Variants in SLC27A5 observed in about 807,000 individuals in gnomAD.
SLC27A5 encodes the protein solute carrier family 27 member 5, also known as long-chain fatty acid transport protein 5.
In SLC27A5, 47 loss-of-function variants were observed where a neutral mutation model predicts 63.1. The ratio of observed to expected loss-of-function variants is 0.74; its 90% confidence interval spans 0.59 to 0.95. The LOEUF (loss-of-function observed/expected upper bound fraction) is 0.95, where lower values mean the gene tolerates loss of function less well. Among genes scored for constraint, SLC27A5 ranks in the 40% least tolerant of loss-of-function variants. SLC27A5 has a pLI of 0.00. For synonymous variants in SLC27A5, 391 were observed against 403.8 expected, an observed-to-expected ratio of 0.97 and a Z score of 0.38; for missense variants, 940 against 921.0, an observed-to-expected ratio of 1.02 and a Z score of -0.27.
chr19:58,511,951 C>T lies in SLC27A5; in HGVS notation c.5G>A (p.Gly2Asp). ...CAGCAAGGCCAACTGTTGCCTGACACCCATGGTACCAGCTCCTCCCTAGGA... is the reference window on the plus strand; with the variant it reads ...CAGCAAGGCCAACTGTTGCCTGACATCCATGGTACCAGCTCCTCCCTAGGA... Reference protein sequence around the residue: MGVRQQLALLLL... With the variant: MDVRQQLALLLL... Residue 2 changes from glycine (G) to aspartate (D), a missense_variant, in exon 1 of 10, where the codon GGT (glycine) becomes GAT (aspartate). By Grantham distance (94) the Gly-to-Asp change is moderately conservative. Transcript: ENST00000263093. The T allele has an allele frequency of 6.5e-7, 1 of 1,535,740 alleles. No individual in the cohort carries two copies. Among genetic ancestry groups the T allele is most frequent in the Non-Finnish European group, 8.8e-7 (1 of 1,142,836 alleles).
At chr19:58,503,020 C>A (rs1256016335) in intron 3 of SLC27A5, among the ~76,000 whole-genome samples, 3 of 151,972 alleles carry the variant, frequency 2.0e-5, no homozygotes, top group Non-Finnish European at 2.9e-5. Flanking sequence ...TCCTGGCTAA[C>A]ACGGTGAAAC....
chr19:58,511,528 A>G lies in SLC27A5; in HGVS notation c.428T>C (p.Val143Ala). 3 of 1,567,038 alleles carry G rather than the reference A, an allele frequency of 1.9e-6. No individual in the cohort carries two copies. Among genetic ancestry groups the G allele is most frequent in the Non-Finnish European group, 2.6e-6 (3 of 1,155,066 alleles). ...CCGGGCATCCAGCTCACCAAAGGTG[A>G]CTGAGCCGGCCCCAGGCCCCGTCCA... ...LVWTGPGAGS[V>A]TFGELDARAC... is the part of the protein sequence containing the mutation. Residue 143 changes from valine to alanine, a missense_variant, in exon 1 of 10, where the codon GTC (valine) becomes GCC (alanine). Coordinates refer to ENST00000263093, the MANE Select transcript of SLC27A5 (RefSeq NM_012254.3).
intron 3 of SLC27A5, among the ~76,000 whole-genome samples, chr19:58,505,865 AC>A (rs1375307566): frequency 2.0e-4 from 29 of 145,114 alleles, no homozygotes; most frequent in South Asian, 1.3e-3. Flanking sequence ...AAAAAAAAAA[AC>A]ATTTGGCCGG....
chr19:58,499,466 C>G, intron 7 of SLC27A5, 26 bp downstream of exon 7: 1 of 1,610,906 alleles, frequency 6.2e-7, no homozygotes, highest in South Asian at 1.1e-5. Flanking sequence ...CGCGCCAGCC[C>G]CGCCCCGAGA....
At chr19:58,502,668 CAGTT>C (rs1388302549) in intron 3 of SLC27A5, among the ~76,000 whole-genome samples, 6 of 137,602 alleles carry the variant, frequency 4.4e-5, no homozygotes, top group East Asian at 2.2e-4. Flanking sequence ...GATGGGTGAA[CAGTT>C]AGAGTAGTGA....
In SLC27A5 at chr19:58,510,775, C is replaced by A. The variant is rs2053400782; in HGVS notation, c.844G>T (p.Ala282Ser). Residue 282 changes from alanine to serine, a missense_variant, in exon 2 of 10, where the codon GCT (alanine) becomes TCT (serine). Ala to Ser is a moderately conservative substitution (Grantham distance 99, BLOSUM62 1). Transcript: ENST00000263093. Reference sequence around the variant, plus strand: ...GCAGGGCTTCTCCATGTGATCCCAGCACGCAGGTCAGCAGGCACTGGGTGG... The same window carrying A: ...GCAGGGCTTCTCCATGTGATCCCAGAACGCAGGTCAGCAGGCACTGGGTGG... ...PSHPVPADLR[A>S]GITWRSPALF... The A allele has an allele frequency of 1.2e-6, 2 of 1,613,410 alleles. No individual in the cohort carries two copies. The highest frequency in any genetic ancestry group is 2.2e-5 in the East Asian group (1 of 44,896).
chr19:58,510,239 T>G lies in SLC27A5; in HGVS notation c.899-234A>C, dbSNP rs564033030. 2.9e-4 allele frequency: 142 copies of G among 485,732 alleles called. No homozygotes were observed. In the South Asian group the frequency reaches 4.5e-3, roughly 15 times the overall value. The allele number at this position is 485,732 out of a possible 1,614,324, so 30.1% of individuals were successfully genotyped here. A position where few individuals can be genotyped will look rare whatever the true frequency, so the allele number is the denominator to read the frequency against. On this transcript the variant is annotated intron_variant, in intron 2 of 9. Transcript: ENST00000263093. ...CTGGACACAGGAAGAATTCTGGCAT[T>G]GACCTCTCAAATTACATTGGGGGTC...
intron 2 of SLC27A5, 31 bp from the exon 3 acceptor site, chr19:58,510,036 G>T: frequency 1.2e-6 from 2 of 1,604,810 alleles, no homozygotes; most frequent in East Asian, 4.5e-5. Context: ...AGGGCAGGGT[G>T]GTGACATGAC....
chr19:58,511,720 C>T lies in SLC27A5; in HGVS notation c.236G>A (p.Arg79Gln), dbSNP rs750905452. The change falls in exon 1 of 10, where the codon CGG becomes CAG. Residue 79 changes from arginine to glutamine, a missense_variant. Arg to Gln is a conservative substitution (Grantham distance 43). Coordinates refer to ENST00000263093, the MANE Select transcript of SLC27A5 (RefSeq NM_012254.3). ...CAGCCAGCGTAGTCCTGGGGGCAGC[C>T]GTGCTGGCAGGAGGGTTAGTGCCAG... ...AALALTLLPA[R>Q]LPPGLRWLPA... The T allele has an allele frequency of 1.1e-5, 17 of 1,557,260 alleles. No homozygotes were observed. The highest frequency in any genetic ancestry group is 4.1e-5 in the African/African-American group (3 of 73,494).
Position 58,511,934 on chromosome 19 carries a change from C to T in SLC27A5, c.22G>A (p.Ala8Thr), listed in dbSNP as rs1397008304. The part of the protein sequence containing the change: MGVRQQL[A>T]LLLLLLLLLW... ...AGGAGCAGCAGCAGCAGCAGCAAGG[C>T]CAACTGTTGCCTGACACCCATGGTA... Residue 8 changes from alanine (A) to threonine (T), a missense_variant, in exon 1 of 10, where the codon GCC becomes ACC. Transcript: ENST00000263093. The T allele has an allele frequency of 1.3e-6, 2 of 1,541,112 alleles. No individual in the cohort carries two copies. The highest frequency in any genetic ancestry group is 2.4e-5 in the South Asian group (2 of 83,946).
At chr19:58,501,531 C>CT in intron 3 of SLC27A5, 121 bp from the exon 4 acceptor site, 1 of 1,118,400 alleles carries the variant, frequency 8.9e-7, no homozygotes, top group Non-Finnish European at 1.3e-6. Context: ...CTGAGTTCAT[C>CT]TTTGTGTCCT....
rs772494992 is a variant in SLC27A5, at chr19:58,500,601, C to T, written c.1288G>A (p.Glu430Lys). The change falls in exon 5 of 10, where the codon GAA (glutamate) becomes AAA (lysine). Residue 430 changes from glutamate to lysine, a missense_variant. Glu to Lys is a moderately conservative substitution (Grantham distance 56). Transcript: ENST00000263093. ...QQRFGPIRIWEVYGSTEGNMG... is the reference protein window; with the variant it reads ...QQRFGPIRIWKVYGSTEGNMG... Reference sequence around the variant, plus strand: ...TTGCCTTCTGTGGAGCCGTAGACTTCCCAGATCCGAATAGGACCGAAGCGC... The same window carrying T: ...TTGCCTTCTGTGGAGCCGTAGACTTTCCAGATCCGAATAGGACCGAAGCGC... 1.2e-6 allele frequency: 2 copies of T among 1,614,130 alleles called. No homozygotes were observed. The highest frequency in any genetic ancestry group is 8.5e-7 in the Non-Finnish European group (1 of 1,180,030).
At chr19:58,504,054 G>A (rs2053314068) in intron 3 of SLC27A5, among the ~76,000 whole-genome samples, 1 of 152,190 alleles carries the variant, frequency 6.6e-6, no homozygotes, top group Admixed American at 6.5e-5. Flanking sequence ...GGCAGAGGTT[G>A]TAGTGAGCCA....
chr19:58,502,725 A>G (rs1024512976), intron 3 of SLC27A5, among the ~76,000 whole-genome samples: 5 of 148,324 alleles, frequency 3.4e-5, no homozygotes, highest in African/African-American at 7.6e-5. Context: ...GTGAGTGAGT[A>G]GATGGATGGG....
In SLC27A5 at chr19:58,504,244, A is replaced by G. The variant is rs1043245596; in HGVS notation, c.1058-2834T>C. On this transcript the variant is annotated intron_variant, in intron 3 of 9. Coordinates refer to ENST00000263093, the MANE Select transcript of SLC27A5 (RefSeq NM_012254.3). ...TGATATTAATGTTGTTACGTGTAAT[A>G]ATCACTTTGGTTACAGTTTCTTCAG... 2.8e-4 allele frequency among the ~76,000 whole-genome samples: 42 copies of G among 152,238 alleles called. 1 individual carries two copies. The highest frequency in any genetic ancestry group is 1.5e-5 in the Non-Finnish European group (1 of 68,048).
At chr19:58,502,436 GTAGT>G in intron 3 of SLC27A5, among the ~76,000 whole-genome samples, 1 of 147,840 alleles carries the variant, frequency 6.8e-6, no homozygotes, top group Non-Finnish European at 1.5e-5. Context: ...GACAGTTAGA[GTAGT>G]GAGTGAGAAG....
chr19:58,504,614 C>T, intron 3 of SLC27A5, among the ~76,000 whole-genome samples: 4 of 141,926 alleles, frequency 2.8e-5, no homozygotes, highest in Admixed American at 7.5e-5. Flanking sequence ...CTTGCGGTGA[C>T]CCAAGATGGT....
chr19:58,505,902 C>T lies in SLC27A5; in HGVS notation c.1057+3945G>A, dbSNP rs370793920. Among the ~76,000 whole-genome samples, 726 of 151,654 alleles carry T rather than the reference C, an allele frequency of 4.8e-3. 5 individuals carry two copies. The highest frequency in any genetic ancestry group is 6.9e-3 in the Non-Finnish European group (467 of 67,934). On this transcript the variant is annotated intron_variant, in intron 3 of 9. Coordinates refer to ENST00000263093, the MANE Select transcript of SLC27A5 (RefSeq NM_012254.3). ...GCACGGTAGTTCACACCTGTAATCCCAGCACTTTGGGAGGCCGAGGCGGGC... is the reference window on the plus strand; with the variant it reads ...GCACGGTAGTTCACACCTGTAATCCTAGCACTTTGGGAGGCCGAGGCGGGC...
chr19:58,499,196 C>T lies in SLC27A5; in HGVS notation c.1692G>A (p.Thr564=). ...TFRWKGENVS[T]HEVEGVLSQV... Reference sequence around the variant, plus strand: ...GCGACAACACGCCCTCCACCTCGTGCGTGGACACGTTCTCGCCCTTCCATC... The same window carrying T: ...GCGACAACACGCCCTCCACCTCGTGTGTGGACACGTTCTCGCCCTTCCATC... Residue 564 remains threonine, a synonymous_variant, in exon 8 of 10, where the codon ACG becomes ACA. Transcript: ENST00000263093. 5.6e-6 allele frequency: 9 copies of T among 1,613,926 alleles called. No homozygotes were observed. Among genetic ancestry groups the T allele is most frequent in the Non-Finnish European group, 7.6e-6 (9 of 1,180,028 alleles).
Sources: gnomAD v4.1 joint callset for allele counts (sites outside exome capture counted in the v4.1 genomes callset) on GRCh38, gnomAD v4.1.1 for gene constraint, MANE v1.5 for transcripts, NCBI Gene and HGNC (gene_info 2026-07-23, HGNC 2026-07-21) for gene names.